Variants in ITGA8 observed in about 807,000 individuals in gnomAD.
ITGA8 encodes the protein integrin alpha-8.
ITGA8 carries 91 observed loss-of-function variants against 142.3 expected under a neutral mutation model. The ratio of observed to expected loss-of-function variants is 0.64; its 90% CI spans 0.54 to 0.76. The LOEUF is 0.76. Ranked by LOEUF, ITGA8 falls within the 30% of genes least tolerant of loss-of-function variation. The pLI is 0.00. For synonymous variants in ITGA8, 505 were observed against 485.2 expected, an observed-to-expected ratio of 1.04 and a Z score of -0.54; for missense variants, 1,406 against 1,327.7, an observed-to-expected ratio of 1.06 and a Z score of -0.92.
In ITGA8 at chr10:15,548,526, C is replaced by T; in HGVS notation, c.2809G>A (p.Gly937Arg). 6.2e-7 allele frequency: 1 copy of T among 1,607,768 alleles called. No homozygotes were observed. The highest frequency in any genetic ancestry group is 8.5e-7 in the Non-Finnish European group (1 of 1,178,254). The change falls in exon 27 of 30, where the codon GGA becomes AGA. Residue 937 changes from glycine to arginine, a missense_variant. Transcript: ENST00000378076. ...GCGCTTTCTCCTCCTTCGAGTCGTC[C>T]CACTGCACAGGAGATTTGTAAACAC... ...IECLQISCAVGRLEGGESAVL... is the reference protein window; with the variant it reads ...IECLQISCAVRRLEGGESAVL...
At chr10:15,624,603 G>A (rs987375902) in intron 13 of ITGA8, among the ~76,000 whole-genome samples, 2 of 152,024 alleles carry the variant, frequency 1.3e-5, no homozygotes, top group African/African-American at 2.4e-5. Flanking sequence ...CTCTACAGAC[G>A]CCTGACTCCT....
In ITGA8 at chr10:15,585,859, C is replaced by A. The variant is rs13376907; in HGVS notation, c.2372+725G>T. On this transcript the variant is annotated intron_variant, in intron 23 of 29. Coordinates refer to ENST00000378076, the MANE Select transcript of ITGA8 (RefSeq NM_003638.3). ...AAAATATAGATCCAATCGACCCTTG[C>A]ATCTGAGAGTTAGTCATTTATTAAA... Among the ~76,000 whole-genome samples, 11 of 152,176 alleles carry A rather than the reference C, an allele frequency of 7.2e-5. No individual in the cohort carries two copies. The Middle Eastern group carries it at 0.01, about 141-fold the overall frequency.
chr10:15,671,692 A>C (rs757740641), intron 7 of ITGA8, 45 bp from the exon 8 acceptor site: 5 of 1,477,266 alleles, frequency 3.4e-6, no homozygotes, highest in Non-Finnish European at 4.7e-6. Flanking sequence ...TTAATGACTT[A>C]ACCTAATGAG....
chr10:15,638,422 A>C (rs1420731574), intron 13 of ITGA8, among the ~76,000 whole-genome samples: 1 of 152,180 alleles, frequency 6.6e-6, no homozygotes, highest in Non-Finnish European at 1.5e-5. Context: ...CCCTGCCATT[A>C]TTAAAGGTAG....
chr10:15,543,281 G>A (rs1049594490), intron 27 of ITGA8, among the ~76,000 whole-genome samples: 2 of 152,102 alleles, frequency 1.3e-5, no homozygotes, highest in Non-Finnish European at 2.9e-5. Flanking sequence ...GTTAGTCAGG[G>A]GCATATCTCC....
intron 27 of ITGA8, 127 bp from the exon 28 acceptor site, chr10:15,531,278 CTCTCTTTTAACTTTTTTTTCCT>C (rs1445821021): frequency 4.0e-6 from 2 of 497,444 alleles, no homozygotes; most frequent in Non-Finnish European, 6.8e-6. Context: ...TTTTAATTTT[CTCTCTTTTAACTTTTTTTTCCT>C]CCCACCCAAG....
At chr10:15,593,395 G>C (rs1484861053) in intron 21 of ITGA8, among the ~76,000 whole-genome samples, 3 of 152,146 alleles carry the variant, frequency 2.0e-5, no homozygotes, top group African/African-American at 7.2e-5. Context: ...AAAGCACTCT[G>C]GGGTAGGAGC....
intron 27 of ITGA8, among the ~76,000 whole-genome samples, chr10:15,535,891 C>T (rs1833423613): frequency 6.6e-6 from 1 of 152,124 alleles, no homozygotes; most frequent in Admixed American, 6.6e-5. Context: ...AGCTGTAACA[C>T]TCACCTCGAA....
At chr10:15,581,194 C>T (rs1834400959) in intron 23 of ITGA8, among the ~76,000 whole-genome samples, 1 of 152,168 alleles carries the variant, frequency 6.6e-6, no homozygotes, top group African/African-American at 2.4e-5. Flanking sequence ...TATCAATCAA[C>T]TTGGAGACTG....
At chr10:15,671,155 G>A (rs188050227) in intron 8 of ITGA8, among the ~76,000 whole-genome samples, 23 of 152,296 alleles carry the variant, frequency 1.5e-4, no homozygotes, top group Non-Finnish European at 1.0e-4. Flanking sequence ...GGATTCGTTT[G>A]TTTTGTTATT....
intron 2 of ITGA8, among the ~76,000 whole-genome samples, chr10:15,700,727 A>G (rs1342464527): frequency 6.6e-6 from 1 of 152,128 alleles, no homozygotes; most frequent in Non-Finnish European, 1.5e-5. Context: ...GCAAGAAAAA[A>G]ACAAACAATC....
chr10:15,660,920 A>T lies in ITGA8; in HGVS notation c.850T>A (p.Leu284Met), dbSNP rs181394963. ...GCTCCTCTTGGAATTCCAGCAACCA[A>T]TTCTGGGGATGAAAATAGCCATTTA... ...GEFTGDSQQE[L>M]VAGIPRGAQN... Residue 284 changes from leucine (L) to methionine (M), a missense_variant and splice_region_variant, in exon 9 of 30, where the codon TTG (leucine) becomes ATG (methionine). By Grantham distance (15) the Leu-to-Met change is conservative. Coordinates refer to ENST00000378076, the MANE Select transcript of ITGA8 (RefSeq NM_003638.3). The T allele has an allele frequency of 6.2e-7, 1 of 1,613,554 alleles. No individual in the cohort carries two copies. Among genetic ancestry groups the T allele is most frequent in the Non-Finnish European group, 8.5e-7 (1 of 1,179,590 alleles).
intron 23 of ITGA8, among the ~76,000 whole-genome samples, chr10:15,582,784 C>A (rs1029980651): frequency 6.6e-6 from 1 of 152,184 alleles, no homozygotes; most frequent in African/African-American, 2.4e-5. Context: ...CACATGCTGG[C>A]AAAAATGGTG....
chr10:15,538,512 G>GAAAA (rs71374631), intron 27 of ITGA8, among the ~76,000 whole-genome samples: 5 of 98,526 alleles, frequency 5.1e-5, no homozygotes, highest in Admixed American at 2.1e-4. Flanking sequence ...ACTCCGTCTC[G>GAAAA]AAAAAAAAAA....
At chr10:15,673,106 C>T (rs1834560065) in intron 6 of ITGA8, among the ~76,000 whole-genome samples, 1 of 152,040 alleles carries the variant, frequency 6.6e-6, no homozygotes, top group Non-Finnish European at 1.5e-5. Context: ...TTTTTTGGGA[C>T]AGAGTCTCGC....
At chr10:15,588,460 T>C (rs938736836) in intron 22 of ITGA8, among the ~76,000 whole-genome samples, 22 of 152,028 alleles carry the variant, frequency 1.4e-4, no homozygotes, top group African/African-American at 5.3e-4. Context: ...ACTAAACAAA[T>C]GTGTGTGTGT....
intron 12 of ITGA8, 27 bp from the exon 13 acceptor site, chr10:15,644,248 A>G (rs766092302): frequency 2.5e-6 from 4 of 1,590,300 alleles, no homozygotes; most frequent in Non-Finnish European, 3.4e-6. Flanking sequence ...AACATGTTTT[A>G]TGTGTATATG....
Position 15,572,201 on chromosome 10 carries a change from A to G in ITGA8, c.2637+10T>C. 1 of 1,606,964 alleles carries G rather than the reference A, an allele frequency of 6.2e-7. No individual in the cohort carries two copies. Among genetic ancestry groups the G allele is most frequent in the Non-Finnish European group, 8.5e-7 (1 of 1,176,026 alleles). The stretch of plus-strand genomic sequence containing the variant: ...AATCAACAAAGCCACTGATTAGACC[A>G]GACTCCTACCTTTATATCCTGTGGA... On this transcript the variant is annotated intron_variant, in intron 25 of 29. Transcript: ENST00000378076.
intron 3 of ITGA8, among the ~76,000 whole-genome samples, chr10:15,686,602 C>T (rs1041050842): frequency 7.2e-5 from 11 of 152,070 alleles, no homozygotes; most frequent in African/African-American, 2.7e-4. Context: ...GCTATGTATA[C>T]CCATGGTACC....
Sources: allele counts gnomAD v4.1 joint callset (sites outside exome capture counted in the v4.1 genomes callset), GRCh38; gene constraint gnomAD v4.1.1; transcripts MANE v1.5; gene names NCBI Gene and HGNC (gene_info 2026-07-23, HGNC 2026-07-21).